The following HEBP2 variants were observed in gnomAD, a reference collection of about 807,000 sequenced individuals.
HEBP2 encodes heme binding protein 2, also known as heme-binding protein 2.
In HEBP2, 27 loss-of-function variants were observed where a neutral mutation model predicts 23.1. The observed-to-expected ratio is 1.17, with a 90% CI of 0.86 to 1.61. HEBP2 has a LOEUF of 1.61. Ranked by LOEUF, HEBP2 falls within the 40% of genes most tolerant of loss-of-function variation. HEBP2 has a pLI of 0.00. For missense variants in HEBP2, 245 were observed against 253.8 expected, an observed-to-expected ratio of 0.97 and a Z score of 0.24; for synonymous variants, 99 against 95.1, an observed-to-expected ratio of 1.04 and a Z score of -0.24.
Position 138,406,916 on chromosome 6 carries a change from A to G in HEBP2, c.419+765A>G, listed in dbSNP as rs111286015. On this transcript the variant is annotated intron_variant, in intron 3 of 3. Coordinates refer to ENST00000607197, the MANE Select transcript of HEBP2 (RefSeq NM_014320.3). ...CCTGGTGGCACATGCCTGTGGTCCC[A>G]GCTACTTGGGAGGCTGAGGTAGGAG... Among the ~76,000 whole-genome samples the G allele has an allele frequency of 4.3e-3, 662 of 152,212 alleles. 5 individuals are homozygous for G. Among genetic ancestry groups the G allele is most frequent in the African/African-American group, 0.013 (554 of 41,536 alleles).
At chr6:138,409,052 G>A (rs1774699131) in intron 3 of HEBP2, among the ~76,000 whole-genome samples, 3 of 151,774 alleles carry the variant, frequency 2.0e-5, no homozygotes, top group Admixed American at 2.0e-4. Flanking sequence ...TCTGAGACAG[G>A]GTCTCGCTCT....
At chr6:138,405,042 CA>C (rs1774616325) in intron 1 of HEBP2, 102 bp from the exon 2 acceptor site, 1 of 1,306,408 alleles carries the variant, frequency 7.7e-7, no homozygotes, top group Non-Finnish European at 1.1e-6. Flanking sequence ...AGCCCCTAGA[CA>C]GGACGGCTCC....
In HEBP2 at chr6:138,415,811, C is replaced by T. The variant is rs1481746412; in HGVS notation, c.*2733C>T. 6.6e-6 allele frequency: 1 copy of T among 152,140 alleles called. No individual in the cohort carries two copies. The allele number at this position is 152,140 out of a possible 1,614,324, so 9.4% of individuals were successfully genotyped here. ...AGTGGATCTCCCCAACCATCTGCCTCCCTAGAAAACTCCCTGAATATTCAC... is the reference window on the plus strand; with the variant it reads ...AGTGGATCTCCCCAACCATCTGCCTTCCTAGAAAACTCCCTGAATATTCAC... On this transcript the variant is annotated 3_prime_UTR_variant, in exon 4 of 4. Transcript: ENST00000607197.
intron 1 of HEBP2, 111 bp downstream of exon 1, chr6:138,404,708 CA>C (rs1774608617): frequency 1.6e-6 from 1 of 623,518 alleles, no homozygotes. Context: ...TAAATGGTCC[CA>C]GTCCCTACCC....
chr6:138,407,456 C>G (rs770667476), intron 3 of HEBP2, among the ~76,000 whole-genome samples: 1 of 152,246 alleles, frequency 6.6e-6, no homozygotes, highest in Non-Finnish European at 1.5e-5. Flanking sequence ...GATGAAGGTC[C>G]CACTTGTGAA....
chr6:138,409,221 G>A (rs1774703034), intron 3 of HEBP2, among the ~76,000 whole-genome samples: 1 of 152,076 alleles, frequency 6.6e-6, no homozygotes, highest in Non-Finnish European at 1.5e-5. Flanking sequence ...TCACTATGTT[G>A]CCCAGGCTCG....
intron 2 of HEBP2, 90 bp from the exon 3 acceptor site, chr6:138,405,881 T>C: frequency 1.9e-6 from 2 of 1,053,448 alleles, no homozygotes; most frequent in African/African-American, 1.6e-5. Context: ...CAATGTGAAG[T>C]AAATCAAGGA....
chr6:138,406,772 G>A (rs1375721270), intron 3 of HEBP2, among the ~76,000 whole-genome samples: 2 of 152,126 alleles, frequency 1.3e-5, no homozygotes, highest in Non-Finnish European at 2.9e-5. Context: ...TGAATTTTGA[G>A]GCCCAGCACT....
Position 138,417,301 on chromosome 6 carries a change from T to C in HEBP2, c.*4223T>C, listed in dbSNP as rs1312141524. 6.6e-6 allele frequency: 1 copy of C among 152,098 alleles called. No homozygotes were observed. The highest frequency in any genetic ancestry group is 1.5e-5 in the Non-Finnish European group (1 of 68,016). 9.4% of individuals were successfully genotyped at this position (152,098 alleles called of 1,614,324 possible). Reference sequence around the variant, plus strand: ...TGACCTGTGGGGAAAGAGTATAAGCTTCTAAACTCCCTCTCCTCCAATCAG... The same window carrying C: ...TGACCTGTGGGGAAAGAGTATAAGCCTCTAAACTCCCTCTCCTCCAATCAG... On this transcript the variant is annotated 3_prime_UTR_variant, in exon 4 of 4. Transcript: ENST00000607197.
intron 3 of HEBP2, among the ~76,000 whole-genome samples, chr6:138,410,006 T>G (rs565223582): frequency 6.6e-6 from 1 of 152,312 alleles, no homozygotes; most frequent in South Asian, 2.1e-4. Context: ...CATTCCTAGC[T>G]CTAGTACTCT....
chr6:138,405,091 C>G (rs1416440256), intron 1 of HEBP2, 54 bp from the exon 2 acceptor site: 10 of 1,580,198 alleles, frequency 6.3e-6, no homozygotes, highest in Non-Finnish European at 8.6e-6. Flanking sequence ...ATTTTTGCAT[C>G]TCACTCCTAC....
At chr6:138,405,106 T>C in intron 1 of HEBP2, 39 bp from the exon 2 acceptor site, 1 of 1,604,912 alleles carries the variant, frequency 6.2e-7, no homozygotes, top group Non-Finnish European at 8.5e-7. Flanking sequence ...TCCTACCCTC[T>C]TAGAATTGCT....
intron 3 of HEBP2, chr6:138,412,236 G>A: frequency 2.9e-6 from 1 of 341,414 alleles, no homozygotes; most frequent in Non-Finnish European, 5.7e-6. Flanking sequence ...ACCTGAATCT[G>A]CATCGTAGCA....
chr6:138,403,719 G>A (rs532574570), upstream of HEBP2: 8 of 409,720 alleles, frequency 2.0e-5, no homozygotes, highest in African/African-American at 1.6e-4. Flanking sequence ...TTCTTGAAAA[G>A]CACTAGTGTC....
chr6:138,413,118 C>G lies in HEBP2; in HGVS notation c.*40C>G. On this transcript the variant is annotated 3_prime_UTR_variant, in exon 4 of 4. Coordinates refer to ENST00000607197, the MANE Select transcript of HEBP2 (RefSeq NM_014320.3). ...AGTTCTGCTGTCAGAGGCAAAACAT[C>G]TGTTTATCATAGACATCAACATGAC... The G allele has an allele frequency of 6.7e-7, 1 of 1,497,254 alleles. No individual in the cohort carries two copies. The highest frequency in any genetic ancestry group is 9.3e-7 in the Non-Finnish European group (1 of 1,076,116). The allele number at this position is 1,497,254 out of a possible 1,614,324, so 92.7% of individuals were successfully genotyped here.
intron 3 of HEBP2, among the ~76,000 whole-genome samples, chr6:138,411,768 G>A (rs6919294): frequency 1.3e-5 from 2 of 152,128 alleles, no homozygotes; most frequent in African/African-American, 4.8e-5. Flanking sequence ...GACCAGCCTA[G>A]GTAACACAGT....
Position 138,413,200 on chromosome 6 carries a change from C to A in HEBP2, c.*122C>A. ...ATTGAGAGTACTACTATTAATTAAG[C>A]TTATTTCCAATGTGCCTTTTTAATG... On this transcript the variant is annotated 3_prime_UTR_variant, in exon 4 of 4. Coordinates refer to ENST00000607197, the MANE Select transcript of HEBP2 (RefSeq NM_014320.3). 2 of 730,122 alleles carry A rather than the reference C, an allele frequency of 2.7e-6. No homozygotes were observed. Among genetic ancestry groups the A allele is most frequent in the African/African-American group, 1.8e-5 (1 of 56,152 alleles). The allele number at this position is 730,122 out of a possible 1,614,324, so 45.2% of individuals were successfully genotyped here.
rs1419452134 is a variant in HEBP2 at position 138,417,513 on chromosome 6, G to C, written c.*4435G>C. ...CTGAAAGTTCATAGTACAGGACTGT[G>C]ATCTCTGCGAGAAGGGGGAATAATG... On this transcript the variant is annotated 3_prime_UTR_variant, in exon 4 of 4. Transcript: ENST00000607197. 6.6e-6 allele frequency: 1 copy of C among 152,246 alleles called. No homozygotes were observed. The highest frequency in any genetic ancestry group is 1.5e-5 in the Non-Finnish European group (1 of 68,054). 9.4% of individuals were successfully genotyped at this position (152,246 alleles called of 1,614,324 possible). A position where few individuals can be genotyped will look rare whatever the true frequency, so the allele number is the denominator to read the frequency against.
In HEBP2 at chr6:138,420,286, T is replaced by G. The variant is rs1774899584; in HGVS notation, c.*7208T>G. On this transcript the variant is annotated 3_prime_UTR_variant, in exon 4 of 4. Transcript: ENST00000607197. ...GGACCAGTTGTGGTTCCAAAACCAT[T>G]TGCAGGAAGGTGCTATAGTTGGTCC... The G allele has an allele frequency of 6.6e-6, 1 of 152,124 alleles. No individual in the cohort carries two copies. The highest frequency in any genetic ancestry group is 2.4e-5 in the African/African-American group (1 of 41,418). The allele number at this position is 152,124 out of a possible 1,614,324, so 9.4% of individuals were successfully genotyped here.
Sources: gnomAD v4.1 joint callset for allele counts (sites outside exome capture counted in the v4.1 genomes callset) on GRCh38, gnomAD v4.1.1 for gene constraint, MANE v1.5 for transcripts, NCBI Gene and HGNC (gene_info 2026-07-23, HGNC 2026-07-21) for gene names.